Variants in CDH12 observed in about 807,000 individuals in gnomAD.
CDH12 encodes the protein cadherin-12.
A neutral mutation model predicts 74.1 loss-of-function variants in CDH12; 41 were observed. The ratio of observed to expected loss-of-function variants is 0.55; its 90% confidence interval spans 0.43 to 0.72. The LOEUF (loss-of-function observed/expected upper bound fraction) is 0.72, where lower values mean the gene tolerates loss of function less well. Ranked by LOEUF, CDH12 falls within the 30% of genes least tolerant of loss-of-function variation. CDH12 has a pLI of 0.00. For synonymous variants in CDH12, 399 were observed against 355.0 expected, an observed-to-expected ratio of 1.12 and a Z score of -1.39; for missense variants, 945 against 977.2, an observed-to-expected ratio of 0.97 and a Z score of 0.44.
At chr5:22,022,577 A>T (rs2150163019) in intron 5 of CDH12, among the ~76,000 whole-genome samples, 1 of 152,302 alleles carries the variant, frequency 6.6e-6, no homozygotes, top group African/African-American at 2.4e-5. Flanking sequence ...ATCATGGACG[A>T]AATAATAGAG....
chr5:21,992,670 C>A (rs1402023629), intron 5 of CDH12, among the ~76,000 whole-genome samples: 1 of 152,096 alleles, frequency 6.6e-6, no homozygotes, highest in Non-Finnish European at 1.5e-5. Flanking sequence ...TGATCATCCA[C>A]TGTTTTTTAC....
chr5:22,313,184 T>A (rs1738463201), intron 3 of CDH12, among the ~76,000 whole-genome samples: 1 of 152,188 alleles, frequency 6.6e-6, no homozygotes, highest in Admixed American at 6.5e-5. Context: ...TTCTGAAGTT[T>A]TTGCCCCAAG....
At chr5:21,972,360 G>A (rs1354117312) in intron 6 of CDH12, among the ~76,000 whole-genome samples, 2 of 152,166 alleles carry the variant, frequency 1.3e-5, no homozygotes, top group African/African-American at 2.4e-5. Flanking sequence ...AGTAAGATTC[G>A]TCACAACAAT....
intron 1 of CDH12, among the ~76,000 whole-genome samples, chr5:22,708,412 T>C (rs537181717): frequency 2.6e-5 from 4 of 152,214 alleles, no homozygotes; most frequent in South Asian, 4.1e-4. Context: ...GAAATTCTAG[T>C]AGGGATTTGA....
chr5:22,261,991 T>C (rs1227466599), intron 3 of CDH12, among the ~76,000 whole-genome samples: 1 of 152,094 alleles, frequency 6.6e-6, no homozygotes, highest in Non-Finnish European at 1.5e-5. Context: ...TGAAACCATT[T>C]AAAAAATACG....
intron 1 of CDH12, among the ~76,000 whole-genome samples, chr5:22,531,261 G>A (rs1737571788): frequency 6.6e-6 from 1 of 152,076 alleles, no homozygotes. Flanking sequence ...TTTTGAGAGA[G>A]GGTAGAGAGG....
intron 6 of CDH12, among the ~76,000 whole-genome samples, chr5:21,901,163 G>A (rs909496544): frequency 6.6e-6 from 1 of 152,086 alleles, no homozygotes; most frequent in African/African-American, 2.4e-5. Context: ...TAAAATATAA[G>A]TTGAGTCATG....
chr5:21,890,141 GTGTA>G (rs1219394055), intron 6 of CDH12, among the ~76,000 whole-genome samples: 2 of 152,086 alleles, frequency 1.3e-5, no homozygotes, highest in African/African-American at 4.8e-5. Context: ...GTGGGTGTAT[GTGTA>G]TGTCTTACTT....
chr5:22,401,724 C>G (rs1472119635), intron 3 of CDH12, among the ~76,000 whole-genome samples: 1 of 152,034 alleles, frequency 6.6e-6, no homozygotes, highest in Non-Finnish European at 1.5e-5. Flanking sequence ...ACAAGAATGT[C>G]TATAGATCTA....
chr5:22,466,314 GTTTTTAAAAGCTCAGTAACC>G (rs1164250806), intron 2 of CDH12, among the ~76,000 whole-genome samples: 3 of 152,240 alleles, frequency 2.0e-5, no homozygotes, highest in Non-Finnish European at 2.9e-5. Flanking sequence ...TTTGTTTTCA[GTTTTTAAAAGCTCAGTAACC>G]CAATGGGGCA....
intron 2 of CDH12, among the ~76,000 whole-genome samples, chr5:22,501,564 C>CA (rs1484107480): frequency 1.3e-5 from 2 of 151,994 alleles, no homozygotes; most frequent in Non-Finnish European, 2.9e-5. Flanking sequence ...ATGACAAGTC[C>CA]ATTGTGAAAT....
chr5:22,382,983 G>A (rs941390469), intron 3 of CDH12, among the ~76,000 whole-genome samples: 2 of 151,976 alleles, frequency 1.3e-5, no homozygotes, highest in African/African-American at 4.8e-5. Flanking sequence ...GGAGCGCGCC[G>A]CTACGCCCAG....
At chr5:21,949,372 C>T (rs1227155902) in intron 6 of CDH12, among the ~76,000 whole-genome samples, 2 of 151,030 alleles carry the variant, frequency 1.3e-5, no homozygotes, top group Admixed American at 1.3e-4. Context: ...ATGGCGTGAA[C>T]CCAGGAGGCG....
chr5:22,559,391 A>G (rs979543588), intron 1 of CDH12, among the ~76,000 whole-genome samples: 1 of 152,130 alleles, frequency 6.6e-6, no homozygotes, highest in African/African-American at 2.4e-5. Context: ...CAAACAACAA[A>G]AGAGAAAAAC....
At chr5:22,671,606 A>G (rs1205923496) in intron 1 of CDH12, among the ~76,000 whole-genome samples, 1 of 152,106 alleles carries the variant, frequency 6.6e-6, no homozygotes, top group Non-Finnish European at 1.5e-5. Flanking sequence ...AATTGCTGGA[A>G]CAAGTGGTTC....
intron 6 of CDH12, among the ~76,000 whole-genome samples, chr5:21,873,115 AATG>A (rs907313924): frequency 6.6e-6 from 1 of 152,178 alleles, no homozygotes; most frequent in Non-Finnish European, 1.5e-5. Flanking sequence ...TCAATTCTGT[AATG>A]ATAATATAAT....
chr5:22,562,983 A>C (rs895806901), intron 1 of CDH12, among the ~76,000 whole-genome samples: 39 of 147,556 alleles, frequency 2.6e-4, no homozygotes, highest in African/African-American at 9.1e-4. Context: ...TTTAAATATA[A>C]ATTTGAATAT....
chr5:22,625,277 C>T (rs1373352038), intron 1 of CDH12, among the ~76,000 whole-genome samples: 1 of 151,828 alleles, frequency 6.6e-6, no homozygotes, highest in Non-Finnish European at 1.5e-5. Flanking sequence ...GCACATTGTG[C>T]ACATGTACCC....
intron 4 of CDH12, among the ~76,000 whole-genome samples, chr5:22,083,938 G>C (rs1044234078): frequency 2.6e-5 from 4 of 152,146 alleles, no homozygotes; most frequent in African/African-American, 9.7e-5. Context: ...GACTCATTTA[G>C]CTCTTTTGTA....
Sources: allele counts gnomAD v4.1 joint callset (sites outside exome capture counted in the v4.1 genomes callset), GRCh38; gene constraint gnomAD v4.1.1; transcripts MANE v1.5; gene names NCBI Gene and HGNC (gene_info 2026-07-23, HGNC 2026-07-21).